Variants in SLC9C2 observed in about 807,000 individuals in gnomAD.
SLC9C2 encodes the protein solute carrier family 9 member C2 (putative), also known as sodium/hydrogen exchanger 11.
SLC9C2 carries 75 observed loss-of-function variants against 140.2 expected under a neutral mutation model. The observed-to-expected ratio is 0.53, with a 90% CI of 0.44 to 0.65. The LOEUF (loss-of-function observed/expected upper bound fraction) is 0.65, where lower values mean the gene tolerates loss of function less well. Among genes scored for constraint, SLC9C2 ranks in the 30% least tolerant of loss-of-function variants. The pLI, the probability that SLC9C2 is intolerant of heterozygous loss-of-function variation, is 0.00. For synonymous variants in SLC9C2, 375 were observed against 420.9 expected (o/e 0.89, Z 1.34); for missense variants, 1,074 against 1,331.8 (o/e 0.81, Z 3.01).
At position 173,519,969 on chromosome 1, in the gene SLC9C2, G is replaced by A. The variant is rs138279919; in HGVS notation, c.2739+1332C>T. Among the ~76,000 whole-genome samples the A allele has an allele frequency of 3.5e-3, 530 of 152,144 alleles. 4 individuals are homozygous for A. Among genetic ancestry groups the A allele is most frequent in the Non-Finnish European group, 5.6e-3 (384 of 67,990 alleles). On this transcript the variant is annotated intron_variant, in intron 22 of 27. Coordinates refer to ENST00000367714, the MANE Select transcript of SLC9C2 (RefSeq NM_178527.4). ...TTCAACACCAGCCTAGGGAAATCCCGTCTCTACTAAAAACACAAAAATTAG... is the reference window on the plus strand; with the variant it reads ...TTCAACACCAGCCTAGGGAAATCCCATCTCTACTAAAAACACAAAAATTAG...
intron 27 of SLC9C2, 27 bp from the exon 28 acceptor site, chr1:173,501,124 A>T: frequency 1.3e-6 from 2 of 1,525,746 alleles, no homozygotes; most frequent in Non-Finnish European, 1.8e-6. Flanking sequence ...AAAGTTAAAT[A>T]TTAGCCTATA....
intron 9 of SLC9C2, among the ~76,000 whole-genome samples, chr1:173,562,517 A>G (rs1664184541): frequency 6.6e-6 from 1 of 152,210 alleles, no homozygotes; most frequent in Non-Finnish European, 1.5e-5. Flanking sequence ...GTGATTTTAT[A>G]AAAGGAAAGT....
chr1:173,515,944 G>A (rs958419273), intron 23 of SLC9C2, among the ~76,000 whole-genome samples: 4 of 152,134 alleles, frequency 2.6e-5, no homozygotes, highest in Non-Finnish European at 5.9e-5. Context: ...CAGTTTGCTG[G>A]GGATTTGCTT....
In SLC9C2 at chr1:173,592,365, A is replaced by G. The variant is rs184001169; in HGVS notation, c.358-4535T>C. On this transcript the variant is annotated intron_variant, in intron 4 of 27. Transcript: ENST00000367714. Reference sequence around the variant, plus strand: ...TTGGGGTCTTTTTTGGTTCCACATGAATTTTAAAATAATTTTTTTCTAGTT... The same window carrying G: ...TTGGGGTCTTTTTTGGTTCCACATGGATTTTAAAATAATTTTTTTCTAGTT... Among the ~76,000 whole-genome samples, 173 of 152,298 alleles carry G rather than the reference A, an allele frequency of 1.1e-3. 1 individual carries two copies. Among genetic ancestry groups the G allele is most frequent in the African/African-American group, 4.1e-3 (169 of 41,560 alleles).
At chr1:173,527,043 C>T (rs1661251841) in intron 18 of SLC9C2, among the ~76,000 whole-genome samples, 1 of 152,062 alleles carries the variant, frequency 6.6e-6, no homozygotes, top group Admixed American at 6.6e-5. Context: ...TGGGGTTTCT[C>T]CATGTTGGCT....
In SLC9C2 at chr1:173,510,414, C is replaced by T. The variant is rs1017389841; in HGVS notation, c.2908-715G>A. ...CGTGTGCCATGGTGGTTTGCTGTAC[C>T]TATCAACATGTCATCTAAGTTTTAA... is the stretch of plus-strand genomic sequence containing the variant. On this transcript the variant is annotated intron_variant, in intron 23 of 27. Coordinates refer to ENST00000367714, the MANE Select transcript of SLC9C2 (RefSeq NM_178527.4). 2.5e-4 allele frequency among the ~76,000 whole-genome samples: 38 copies of T among 152,076 alleles called. 1 individual carries two copies. The highest frequency in any genetic ancestry group is 4.1e-4 in the African/African-American group (17 of 41,398).
intron 11 of SLC9C2, among the ~76,000 whole-genome samples, chr1:173,550,073 T>C (rs1663148995): frequency 6.6e-6 from 1 of 152,154 alleles, no homozygotes. Flanking sequence ...CTTGTGAGCT[T>C]TTGCCAATCC....
chr1:173,591,879 AT>A (rs1666186208), intron 4 of SLC9C2, among the ~76,000 whole-genome samples: 1 of 151,878 alleles, frequency 6.6e-6, no homozygotes, highest in Non-Finnish European at 1.5e-5. Flanking sequence ...ATTAAATCCT[AT>A]TTGTTAATTT....
intron 27 of SLC9C2, among the ~76,000 whole-genome samples, chr1:173,502,662 G>A (rs1001144378): frequency 5.3e-5 from 8 of 152,120 alleles, no homozygotes; most frequent in African/African-American, 1.9e-4. Context: ...AAAGATGTAG[G>A]GGCAAACATC....
intron 14 of SLC9C2, 50 bp downstream of exon 14, chr1:173,536,892 A>G (rs376374289): frequency 8.0e-7 from 1 of 1,246,518 alleles, no homozygotes; most frequent in Non-Finnish European, 1.2e-6. Flanking sequence ...ATTCTTCATC[A>G]TATAGTCATT....
In SLC9C2 at chr1:173,518,874, T is replaced by C. The variant is rs1399144045; in HGVS notation, c.2740-1170A>G. Among the ~76,000 whole-genome samples the C allele has an allele frequency of 2.6e-5, 4 of 152,076 alleles. 1 individual carries two copies. Among genetic ancestry groups the C allele is most frequent in the South Asian group, 2.1e-4 (1 of 4,808 alleles). ...CTTTTTGCAAACAAAGAAAAGATGATGGCATTTGAGGTAGGCAGCATTCTA... is the reference window on the plus strand; with the variant it reads ...CTTTTTGCAAACAAAGAAAAGATGACGGCATTTGAGGTAGGCAGCATTCTA... On this transcript the variant is annotated intron_variant, in intron 22 of 27. Transcript: ENST00000367714.
At chr1:173,509,730 C>T (rs1320800508) in intron 23 of SLC9C2, 31 bp from the exon 24 acceptor site, 5 of 1,560,130 alleles carry the variant, frequency 3.2e-6, no homozygotes, top group Non-Finnish European at 3.4e-6. Flanking sequence ...GCCATAGCAG[C>T]TTGATGTGGA....
rs1420033643 is a variant in SLC9C2, at chr1:173,548,432, T to G, written c.1418A>C (p.Asn473Thr). 5 of 1,613,666 alleles carry G rather than the reference T, an allele frequency of 3.1e-6. No homozygotes were observed. The highest frequency in any genetic ancestry group is 3.3e-5 in the Admixed American group (2 of 59,984). The change falls in exon 12 of 28, where the codon AAC (asparagine) becomes ACC (threonine). Residue 473 changes from asparagine to threonine, a missense_variant. Physicochemically the swap from Asn to Thr is moderately conservative, Grantham distance 65 (BLOSUM62 0). Coordinates refer to ENST00000367714, the MANE Select transcript of SLC9C2 (RefSeq NM_178527.4). Reference protein sequence around the residue: ...FKTEKILTNVNWTLVEDKTRI... With the variant: ...FKTEKILTNVTWTLVEDKTRI... Reference sequence around the variant, plus strand: ...CGTTTTATCTTCTACTAAGGTCCAGTTAACATTTGTCAAAATTTTTTCTGT... The same window carrying G: ...CGTTTTATCTTCTACTAAGGTCCAGGTAACATTTGTCAAAATTTTTTCTGT...
Position 173,554,772 on chromosome 1 carries a change from T to A in SLC9C2, c.1258A>T (p.Ile420Leu), listed in dbSNP as rs769639295. ...VQVISLLTMG[I>L]NSYVMTQSAR... ...GACTGAGTCATCACGTATGAATTTA[T>A]TCCCATTGTCAATAATGATATTACT... Residue 420 changes from isoleucine to leucine, a missense_variant, in exon 11 of 28, where the codon ATA (isoleucine) becomes TTA (leucine). Physicochemically the swap from Ile to Leu is conservative, Grantham distance 5. Coordinates refer to ENST00000367714, the MANE Select transcript of SLC9C2 (RefSeq NM_178527.4). 1.2e-6 allele frequency: 2 copies of A among 1,609,524 alleles called. No homozygotes were observed. Among genetic ancestry groups the A allele is most frequent in the East Asian group, 4.5e-5 (2 of 44,826 alleles).
chr1:173,524,838 G>T lies in SLC9C2; in HGVS notation c.2455C>A (p.Leu819Ile). 1 of 1,614,034 alleles carries T rather than the reference G, an allele frequency of 6.2e-7. No homozygotes were observed. Among genetic ancestry groups the T allele is most frequent in the South Asian group, 1.1e-5 (1 of 91,072 alleles). ...RNVIAKALKNLTFLCSRGIID... is the reference protein window; with the variant it reads ...RNVIAKALKNITFLCSRGIID... ...ATGCCTCTTGAACAAAGGAAGGTGA[G>T]ATTTTTTAGAGCTTTAGCAATCACA... Residue 819 changes from leucine to isoleucine, a missense_variant, in exon 20 of 28, where the codon CTC (leucine) becomes ATC (isoleucine). Transcript: ENST00000367714.
In SLC9C2 at chr1:173,543,131, C is replaced by T. The variant is rs199997302; in HGVS notation, c.1557+4558G>A. ...AACCCCATTGTCTCACCCCAAATCT[C>T]CTTAAGCTGATAAGCAACTTCAGCA... On this transcript the variant is annotated intron_variant, in intron 13 of 27. Transcript: ENST00000367714. Among the ~76,000 whole-genome samples, 62 of 152,294 alleles carry T rather than the reference C, an allele frequency of 4.1e-4. No homozygotes were observed. In the East Asian group the frequency reaches 0.011, roughly 27 times the overall value.
rs1661922068 is a variant in SLC9C2 at position 173,535,952 on chromosome 1, A to C, written c.1656-3T>G. On this transcript the variant is annotated splice_polypyrimidine_tract_variant and splice_region_variant and intron_variant, in intron 14 of 27. Coordinates refer to ENST00000367714, the MANE Select transcript of SLC9C2 (RefSeq NM_178527.4). The stretch of plus-strand genomic sequence containing the variant: ...AAACATCATAAATACTCATGAATCT[A>C]ACAGAGAAAAATGTACATATGTGTT... 1 of 1,497,440 alleles carries C rather than the reference A, an allele frequency of 6.7e-7. No homozygotes were observed. Among genetic ancestry groups the C allele is most frequent in the South Asian group, 1.2e-5 (1 of 82,494 alleles). 92.8% of individuals were successfully genotyped at this position (1,497,440 alleles called of 1,614,324 possible).
rs374906577 is a variant in SLC9C2 at position 173,526,756 on chromosome 1, A to G, written c.2314-42T>C. ...AAAACATGTATTTCTTATTATTCAT[A>G]TAGTTTCTGTAAGAAATTAAGAAAA... On this transcript the variant is annotated intron_variant, in intron 18 of 27. Coordinates refer to ENST00000367714, the MANE Select transcript of SLC9C2 (RefSeq NM_178527.4). 3 of 1,333,622 alleles carry G rather than the reference A, an allele frequency of 2.2e-6. No homozygotes were observed. The African/African-American group carries it at 7.6e-5, about 34-fold the overall frequency. 82.6% of individuals were successfully genotyped at this position (1,333,622 alleles called of 1,614,324 possible). A position where few individuals can be genotyped will look rare whatever the true frequency, so the allele number is the denominator to read the frequency against.
At chr1:173,575,161 A>G (rs892084234) in intron 8 of SLC9C2, among the ~76,000 whole-genome samples, 2 of 152,144 alleles carry the variant, frequency 1.3e-5, no homozygotes, top group African/African-American at 4.8e-5. Flanking sequence ...GACCTAAAAA[A>G]TGCATTATGT....
Sources: gnomAD v4.1 joint callset for allele counts (sites outside exome capture counted in the v4.1 genomes callset) on GRCh38, gnomAD v4.1.1 for gene constraint, MANE v1.5 for transcripts, NCBI Gene and HGNC (gene_info 2026-07-23, HGNC 2026-07-21) for gene names.